DMTF1: variants seen among roughly 807,000 people sequenced by gnomAD.
The protein encoded by DMTF1 is cyclin-D-binding Myb-like transcription factor 1.
DMTF1 carries 39 observed loss-of-function variants against 91.1 expected under a neutral mutation model. That is an observed-to-expected ratio of 0.43 (90% CI 0.33 to 0.56). The LOEUF is 0.56. Ranked by LOEUF, DMTF1 falls within the 20% of genes least tolerant of loss-of-function variation. The pLI is 0.05. For synonymous variants in DMTF1, 338 were observed against 309.5 expected (o/e 1.09, Z -0.97); for missense variants, 750 against 914.5 (o/e 0.82, Z 2.32).
At chr7:87,160,890 AG>A (rs1457840369) in intron 1 of DMTF1, among the ~76,000 whole-genome samples, 3 of 152,196 alleles carry the variant, frequency 2.0e-5, no homozygotes, top group African/African-American at 7.2e-5. Flanking sequence ...ACTGTAATCT[AG>A]GCTGTCTTCT....
Position 87,185,993 on chromosome 7 carries a change from T to C in DMTF1, c.1201+13T>C. 6.2e-7 allele frequency: 1 copy of C among 1,613,598 alleles called. No individual in the cohort carries two copies. Among genetic ancestry groups the C allele is most frequent in the Non-Finnish European group, 8.5e-7 (1 of 1,179,652 alleles). On this transcript the variant is annotated intron_variant, in intron 12 of 17. Transcript: ENST00000331242. ...GTTTCGTTCCCTGGTAATGTATTAC[T>C]TACTTTTTAAGCTCCTCCCCTTTTC...
chr7:87,166,463 T>C lies in DMTF1; in HGVS notation c.110-20T>C. On this transcript the variant is annotated intron_variant, in intron 3 of 17. Transcript: ENST00000331242. ...CCCTCTTTGGTTTGAAATTTTTGTT[T>C]GTTTGTTTTCTTCCATTAGAAGCGG... The C allele has an allele frequency of 6.3e-7, 1 of 1,591,004 alleles. No individual in the cohort carries two copies. The highest frequency in any genetic ancestry group is 8.5e-7 in the Non-Finnish European group (1 of 1,170,970).
chr7:87,154,515 TCAA>T (rs1347934466), intron 1 of DMTF1: 1 of 152,686 alleles, frequency 6.5e-6, no homozygotes, highest in African/African-American at 2.4e-5. Flanking sequence ...CCTGTCTTCA[TCAA>T]CATTTAATCA....
At chr7:87,184,300 C>G in intron 10 of DMTF1, 97 bp from the exon 11 acceptor site, 1 of 1,120,274 alleles carries the variant, frequency 8.9e-7, no homozygotes, top group South Asian at 1.5e-5. Flanking sequence ...ACTCTTAGTA[C>G]TATTGCTTAC....
intron 1 of DMTF1, among the ~76,000 whole-genome samples, chr7:87,160,297 G>A (rs1002693133): frequency 7.0e-6 from 1 of 142,288 alleles, no homozygotes; most frequent in African/African-American, 2.6e-5. Context: ...TTTTTTTGAC[G>A]AAGTCTCACT....
Position 87,193,733 on chromosome 7 carries a change from T to G in DMTF1, c.1659T>G (p.His553Gln), listed in dbSNP as rs771326602. The G allele has an allele frequency of 1.3e-6, 2 of 1,596,174 alleles. No individual in the cohort carries two copies. The highest frequency in any genetic ancestry group is 8.5e-7 in the Non-Finnish European group (1 of 1,171,694). Reference sequence around the variant, plus strand: ...TCTTTAATGTTTTATAGCCAGAACATTTGTTGAACACAAGTGATAATGTTA... The same window carrying G: ...TCTTTAATGTTTTATAGCCAGAACAGTTGTTGAACACAAGTGATAATGTTA... Reference protein sequence around the residue: ...QIIVHALSPEHLLNTSDNVTV... With the variant: ...QIIVHALSPEQLLNTSDNVTV... Residue 553 changes from histidine (H) to glutamine (Q), a missense_variant, in exon 16 of 18, where the codon CAT becomes CAG. His to Gln is a conservative substitution (Grantham distance 24). Coordinates refer to ENST00000331242, the MANE Select transcript of DMTF1 (RefSeq NM_001142327.2).
chr7:87,185,976 C>T lies in DMTF1; in HGVS notation c.1197C>T (p.Phe399=), dbSNP rs562145364. The part of the protein sequence containing the change: ...RQIANHKDVS[F]PVLIKGLKQL... ...TTGCAAACCATAAGGATGTTTCGTT[C>T]CCTGGTAATGTATTACTTACTTTTT... Residue 399 remains phenylalanine, a synonymous_variant, in exon 12 of 18, where the codon TTC becomes TTT. Transcript: ENST00000331242. The T allele has an allele frequency of 9.3e-6, 15 of 1,613,666 alleles. No individual in the cohort carries two copies. In the South Asian group the frequency reaches 1.4e-4, roughly 15 times the overall value.
In DMTF1 at chr7:87,193,777, C is replaced by T; in HGVS notation, c.1703C>T (p.Pro568Leu). 1.9e-6 allele frequency: 3 copies of T among 1,612,508 alleles called. No homozygotes were observed. Among genetic ancestry groups the T allele is most frequent in the Non-Finnish European group, 2.5e-6 (3 of 1,179,094 alleles). ...SDNVTVQCHTPRVIIQTVATE... is the reference protein window; with the variant it reads ...SDNVTVQCHTLRVIIQTVATE... ...AATGTTACAGTGCAGTGTCACACACCAAGAGTCATCATTCAGACTGTTGCC... is the reference window on the plus strand; with the variant it reads ...AATGTTACAGTGCAGTGTCACACACTAAGAGTCATCATTCAGACTGTTGCC... Residue 568 changes from proline (P) to leucine (L), a missense_variant, in exon 16 of 18, where the codon CCA (proline) becomes CTA (leucine). This residue lies in a region of DMTF1 where 410 missense variants were observed against 420.2 expected (regional missense o/e 0.98). Transcript: ENST00000331242.
intron 13 of DMTF1, among the ~76,000 whole-genome samples, chr7:87,188,958 TCTTC>T (rs1799114863): frequency 6.6e-6 from 1 of 152,188 alleles, no homozygotes; most frequent in African/African-American, 2.4e-5. Flanking sequence ...AGAACCATAT[TCTTC>T]CTTGTTTTTG....
chr7:87,163,041 A>G (rs772736644), intron 1 of DMTF1: 12 of 152,094 alleles, frequency 7.9e-5, no homozygotes. Flanking sequence ...TTCTGGATGA[A>G]TAGGGTACTA....
chr7:87,165,227 A>T (rs936485040), intron 3 of DMTF1, among the ~76,000 whole-genome samples, 177 bp downstream of exon 3: 3 of 152,200 alleles, frequency 2.0e-5, no homozygotes, highest in African/African-American at 7.2e-5. Context: ...TTGCTATGTT[A>T]TAAATAGGAT....
At chr7:87,185,804 A>C in intron 11 of DMTF1, 25 bp from the exon 12 acceptor site, 1 of 1,613,072 alleles carries the variant, frequency 6.2e-7, no homozygotes, top group Non-Finnish European at 8.5e-7. Context: ...TTTAATGTCT[A>C]ACGATGCTTA....
chr7:87,180,856 CTTT>C (rs397889347), intron 8 of DMTF1, among the ~76,000 whole-genome samples: 287 of 127,638 alleles, frequency 2.2e-3, no homozygotes, highest in African/African-American at 7.8e-3. Context: ...TTATTTTCAA[CTTT>C]TTTTTTTTTT....
At chr7:87,155,741 A>G (rs979188476) in intron 1 of DMTF1, among the ~76,000 whole-genome samples, 6 of 80,098 alleles carry the variant, frequency 7.5e-5, no homozygotes, top group African/African-American at 2.4e-4. Context: ...CCCCCACCCC[A>G]CCCCCGCCCC....
At chr7:87,193,095 A>G (rs994410774) in intron 14 of DMTF1, 103 bp from the exon 15 acceptor site, 58 of 1,260,836 alleles carry the variant, frequency 4.6e-5, no homozygotes, top group Non-Finnish European at 6.4e-5. Context: ...TCGCACCTTC[A>G]CAATGGGTAA....
At chr7:87,153,171 C>A (rs917501877) in intron 1 of DMTF1, among the ~76,000 whole-genome samples, 1 of 151,970 alleles carries the variant, frequency 6.6e-6, no homozygotes, top group East Asian at 1.9e-4. Flanking sequence ...CCTTGCTCGG[C>A]GATTCACGGC....
At chr7:87,194,921 A>T in intron 17 of DMTF1, 93 bp downstream of exon 17, 6 of 1,459,078 alleles carry the variant, frequency 4.1e-6, no homozygotes, top group Non-Finnish European at 5.7e-6. Context: ...TCTTGATCCA[A>T]TAAGCTACTA....
intron 1 of DMTF1, chr7:87,163,231 T>C (rs192731116): frequency 2.0e-5 from 3 of 152,214 alleles, no homozygotes; most frequent in Non-Finnish European, 4.4e-5. Context: ...TTTTTTTTTT[T>C]TTTTCAGAGA....
At position 87,195,220 on chromosome 7, in the gene DMTF1, C is replaced by A; in HGVS notation, c.*80C>A. 1 of 967,342 alleles carries A rather than the reference C, an allele frequency of 1.0e-6. No homozygotes were observed. The highest frequency in any genetic ancestry group is 1.6e-6 in the Non-Finnish European group (1 of 628,222). 59.9% of individuals were successfully genotyped at this position (967,342 alleles called of 1,614,324 possible). The stretch of plus-strand genomic sequence containing the variant: ...CCTCTTCAAAGAAATAGGAGCAACC[C>A]CCAAGAGGCTTAATTTACCAATTTA... On this transcript the variant is annotated 3_prime_UTR_variant, in exon 18 of 18. Transcript: ENST00000331242.
Sources: allele counts gnomAD v4.1 joint callset (sites outside exome capture counted in the v4.1 genomes callset), GRCh38; gene constraint gnomAD v4.1.1; regional missense constraint gnomAD v4.1.1; transcripts MANE v1.5; gene names NCBI Gene and HGNC (gene_info 2026-07-23, HGNC 2026-07-21).